WDR49: variants seen among roughly 807,000 people sequenced by gnomAD.
WDR49 encodes the protein cilia- and flagella-associated protein 337.
In WDR49, 107 loss-of-function variants were observed where a neutral mutation model predicts 119.5. The observed-to-expected ratio is 0.90, with a 90% CI of 0.77 to 1.05. The LOEUF is 1.05. Among genes scored for constraint, WDR49 ranks in the 50% least tolerant of loss-of-function variants. The pLI is 0.00. For missense variants in WDR49, 1,240 were observed against 1,220.5 expected, an observed-to-expected ratio of 1.02 and a Z score of -0.24; for synonymous variants, 425 against 418.8, an observed-to-expected ratio of 1.01 and a Z score of -0.18.
chr3:167,547,308 T>C (rs1416418006), intron 10 of WDR49, among the ~76,000 whole-genome samples: 1 of 151,906 alleles, frequency 6.6e-6, no homozygotes, highest in African/African-American at 2.4e-5. Context: ...TAGCTATTTA[T>C]TGAGTTCCTA....
intron 13 of WDR49, 101 bp downstream of exon 13, chr3:167,531,014 A>C: frequency 8.3e-7 from 1 of 1,210,518 alleles, no homozygotes. Flanking sequence ...CTGACTGGTT[A>C]GCTACGTGCA....
Position 167,621,611 on chromosome 3 carries a change from A to G in WDR49, c.639T>C (p.Cys213=), listed in dbSNP as rs1577283462. 21 of 1,534,448 alleles carry G rather than the reference A, an allele frequency of 1.4e-5. No individual in the cohort carries two copies. The highest frequency in any genetic ancestry group is 2.7e-5 in the African/African-American group (2 of 73,070). Residue 213 remains cysteine, a synonymous_variant, in exon 4 of 19, where the codon TGT becomes TGC. Coordinates refer to ENST00000682715, the MANE Select transcript of WDR49 (RefSeq NM_001366157.1). The part of the protein sequence containing the change: ...IAVAFTSKEV[C]FYDLLSKEEF... Reference sequence around the variant, plus strand: ...CTTCTTTGGACAGCAGATCATAGAAACAAACCTCTTTACTTGTAAAAGCCA... The same window carrying G: ...CTTCTTTGGACAGCAGATCATAGAAGCAAACCTCTTTACTTGTAAAAGCCA...
intron 15 of WDR49, among the ~76,000 whole-genome samples, chr3:167,525,040 A>G (rs908042784): frequency 6.6e-6 from 1 of 152,198 alleles, no homozygotes; most frequent in Non-Finnish European, 1.5e-5. Flanking sequence ...GTTCATGAGC[A>G]TGGAGTGTTT....
intron 2 of WDR49, among the ~76,000 whole-genome samples, chr3:167,627,925 C>T (rs1717206838): frequency 1.3e-5 from 2 of 152,134 alleles, no homozygotes; most frequent in South Asian, 2.1e-4. Context: ...TCAATAGCAT[C>T]CCTACTTCGT....
Position 167,630,206 on chromosome 3 carries a change from A to T in WDR49, c.166-2914T>A, listed in dbSNP as rs143913276. On this transcript the variant is annotated intron_variant, in intron 2 of 18. Transcript: ENST00000682715. ...TGCCACAGCCGTCTCAATCGTCAGCAACCACCACCCTGATCAGTCAGCAGA... is the reference window on the plus strand; with the variant it reads ...TGCCACAGCCGTCTCAATCGTCAGCTACCACCACCCTGATCAGTCAGCAGA... 3.9e-4 allele frequency among the ~76,000 whole-genome samples: 60 copies of T among 152,236 alleles called. 2 individuals carry two copies. In the East Asian group the frequency reaches 0.011, roughly 29 times the overall value.
In WDR49 at chr3:167,531,111, T is replaced by A; in HGVS notation, c.2218+4A>T. ...TATATGTAAAATGTAAATATATATT[T>A]TACCTGTCACTGCAGTGTTTTTTCT... On this transcript the variant is annotated splice_donor_region_variant and intron_variant, in intron 13 of 18. Transcript: ENST00000682715. 6.2e-7 allele frequency: 1 copy of A among 1,607,330 alleles called. No homozygotes were observed. The highest frequency in any genetic ancestry group is 8.5e-7 in the Non-Finnish European group (1 of 1,177,894).
chr3:167,566,921 G>C, intron 8 of WDR49: 1 of 658,582 alleles, frequency 1.5e-6, no homozygotes, highest in South Asian at 1.7e-5. Context: ...GAAAGGGTTG[G>C]ACTTACTGTC....
chr3:167,533,093 T>G (rs1282129288), intron 11 of WDR49, 116 bp from the exon 12 acceptor site: 1 of 592,382 alleles, frequency 1.7e-6, no homozygotes, highest in East Asian at 2.9e-5. Flanking sequence ...TGGCACATAG[T>G]GGGCACTCTA....
Position 167,478,791 on chromosome 3 carries a change from A to G in WDR49, c.*87T>C. Reference sequence around the variant, plus strand: ...AGAAAACTTCCTGAAGTTTAAATATAAAATAAAATAAAAGGCAGAATTCTT... The same window carrying G: ...AGAAAACTTCCTGAAGTTTAAATATGAAATAAAATAAAAGGCAGAATTCTT... On this transcript the variant is annotated 3_prime_UTR_variant, in exon 19 of 19. Coordinates refer to ENST00000682715, the MANE Select transcript of WDR49 (RefSeq NM_001366157.1). 1 of 911,036 alleles carries G rather than the reference A, an allele frequency of 1.1e-6. No homozygotes were observed. The highest frequency in any genetic ancestry group is 1.6e-6 in the Non-Finnish European group (1 of 614,780). 56.4% of individuals were successfully genotyped at this position (911,036 alleles called of 1,614,324 possible).
At position 167,653,321 on chromosome 3, in the gene WDR49, TGTGCCA is replaced by T. The variant is rs1718478903; in HGVS notation, c.99_104del (p.Tyr33_Thr35delinsTer). 6.5e-7 allele frequency: 1 copy of T among 1,536,222 alleles called. No individual in the cohort carries two copies. The highest frequency in any genetic ancestry group is 8.7e-7 in the Non-Finnish European group (1 of 1,146,920). The stretch of plus-strand genomic sequence containing the variant: ...CGCTGAGTTGGTTTTCAAGCAGGCC[TGTGCCA>T]TAGTCTTCAAATGCAGTTACACCTT... On this transcript the variant is annotated stop_gained and inframe_deletion, in exon 2 of 19. Transcript: ENST00000682715. LOFTEE classifies it high-confidence loss of function.
chr3:167,640,314 G>C (rs573811401), intron 2 of WDR49, among the ~76,000 whole-genome samples: 1 of 151,850 alleles, frequency 6.6e-6, no homozygotes, highest in Non-Finnish European at 1.5e-5. Flanking sequence ...CTTTTCATCA[G>C]CATTTAAACA....
chr3:167,652,034 G>C (rs1718408045), intron 2 of WDR49, among the ~76,000 whole-genome samples: 1 of 152,166 alleles, frequency 6.6e-6, no homozygotes, highest in Non-Finnish European at 1.5e-5. Flanking sequence ...ATGTCCTCAA[G>C]CTGTCAAAAT....
At chr3:167,598,576 A>G (rs1715608974) in intron 7 of WDR49, among the ~76,000 whole-genome samples, 1 of 152,186 alleles carries the variant, frequency 6.6e-6, no homozygotes, top group South Asian at 2.1e-4. Context: ...CTGCCATGAA[A>G]GATGTGCCTT....
chr3:167,642,077 G>C (rs982494138), intron 2 of WDR49, among the ~76,000 whole-genome samples: 1 of 151,802 alleles, frequency 6.6e-6, no homozygotes, highest in African/African-American at 2.4e-5. Flanking sequence ...ATTTTCCTAA[G>C]TATGCATTTT....
intron 8 of WDR49, among the ~76,000 whole-genome samples, chr3:167,571,968 A>G (rs1713962954): frequency 6.6e-6 from 1 of 152,232 alleles, no homozygotes; most frequent in Non-Finnish European, 1.5e-5. Flanking sequence ...CATCATTAGG[A>G]TGAGAATCAT....
chr3:167,534,597 C>A (rs994790291), intron 11 of WDR49, among the ~76,000 whole-genome samples: 1 of 152,102 alleles, frequency 6.6e-6, no homozygotes, highest in Non-Finnish European at 1.5e-5. Context: ...TATTGTAACA[C>A]TTCATAGATA....
intron 5 of WDR49, among the ~76,000 whole-genome samples, chr3:167,606,588 A>G (rs1304654987): frequency 6.6e-6 from 1 of 152,208 alleles, no homozygotes; most frequent in Non-Finnish European, 1.5e-5. Flanking sequence ...AATTTCTAAG[A>G]GGAAAATAAG....
intron 10 of WDR49, among the ~76,000 whole-genome samples, chr3:167,550,575 G>A (rs948764740): frequency 3.3e-5 from 5 of 151,684 alleles, no homozygotes; most frequent in African/African-American, 1.2e-4. Flanking sequence ...AAATATATAC[G>A]GTGATGGATA....
rs563985440 is a variant in WDR49 at position 167,604,394 on chromosome 3, T to C, written c.1033A>G (p.Arg345Gly). ...SNTNSVVMAW[R>G]EKSKKRLNMT... ...TTAAGACGCTTTTTTGATTTCTCTC[T>C]CCAAGCCATCACCACACTATTTGTA... The change falls in exon 6 of 19, where the codon AGA becomes GGA. Residue 345 changes from arginine to glycine, a missense_variant. Coordinates refer to ENST00000682715, the MANE Select transcript of WDR49 (RefSeq NM_001366157.1). The C allele has an allele frequency of 5.6e-5, 91 of 1,613,760 alleles. No individual in the cohort carries two copies. In the South Asian group the frequency reaches 9.9e-4, roughly 18 times the overall value.
Sources: gnomAD v4.1 joint callset for allele counts (sites outside exome capture counted in the v4.1 genomes callset) on GRCh38, gnomAD v4.1.1 for gene constraint, MANE v1.5 for transcripts, NCBI Gene and HGNC (gene_info 2026-07-23, HGNC 2026-07-21) for gene names.